KATNAL1: variants seen among roughly 807,000 people sequenced by gnomAD.
The protein encoded by KATNAL1 is katanin p60 ATPase-containing subunit A-like 1.
KATNAL1 carries 32 observed loss-of-function variants against 55.2 expected under a neutral mutation model. That is an observed-to-expected ratio of 0.58 (90% CI 0.44 to 0.78). The LOEUF (loss-of-function observed/expected upper bound fraction) is 0.78, where lower values mean the gene tolerates loss of function less well. KATNAL1 is among the 30% of genes least tolerant of loss of function. The pLI is 0.00. For missense variants in KATNAL1, 466 were observed against 600.9 expected, an observed-to-expected ratio of 0.78 and a Z score of 2.35; for synonymous variants, 193 against 193.6, an observed-to-expected ratio of 1.00 and a Z score of 0.02.
At chr13:30,304,118 G>A (rs376456933) in intron 1 of KATNAL1, among the ~76,000 whole-genome samples, 78 of 152,302 alleles carry the variant, frequency 5.1e-4, no homozygotes, top group African/African-American at 1.8e-3. Context: ...TGATCATGCA[G>A]AAAATAAGTT....
Position 30,208,460 on chromosome 13 carries a change from A to G in KATNAL1, c.*80T>C. On this transcript the variant is annotated 3_prime_UTR_variant, in exon 11 of 11. Coordinates refer to ENST00000380615, the MANE Select transcript of KATNAL1 (RefSeq NM_032116.5). ...AAACCACTCCACTGAAAAAAATTCC[A>G]AACTTGTTTTTTAAAAATTGCAGGA... 1 of 1,311,216 alleles carries G rather than the reference A, an allele frequency of 7.6e-7. No individual in the cohort carries two copies. The highest frequency in any genetic ancestry group is 2.4e-4 in the Middle Eastern group (1 of 4,198). The allele number at this position is 1,311,216 out of a possible 1,614,324, so 81.2% of individuals were successfully genotyped here.
intron 6 of KATNAL1, among the ~76,000 whole-genome samples, chr13:30,231,893 C>A (rs1876139294): frequency 6.6e-6 from 1 of 152,096 alleles, no homozygotes; most frequent in Non-Finnish European, 1.5e-5. Flanking sequence ...GGGACAGAAC[C>A]TATCTTCCAC....
intron 7 of KATNAL1, 23 bp downstream of exon 7, chr13:30,231,291 A>G: frequency 6.3e-7 from 1 of 1,589,628 alleles, no homozygotes; most frequent in Non-Finnish European, 8.6e-7. Context: ...ACTACTTTGA[A>G]ATCTGAATAT....
intron 7 of KATNAL1, among the ~76,000 whole-genome samples, chr13:30,231,058 G>T (rs1438055290): frequency 6.6e-6 from 1 of 152,116 alleles, no homozygotes; most frequent in Non-Finnish European, 1.5e-5. Flanking sequence ...CCACATATAC[G>T]ACCAAAGTCT....
intron 1 of KATNAL1, among the ~76,000 whole-genome samples, chr13:30,304,795 T>A (rs1287887993): frequency 6.6e-6 from 1 of 152,162 alleles, no homozygotes; most frequent in Admixed American, 6.5e-5. Flanking sequence ...CTAATATCTT[T>A]ATATTTCACC....
At chr13:30,227,328 A>G in intron 9 of KATNAL1, 84 bp downstream of exon 9, 1 of 1,336,696 alleles carries the variant, frequency 7.5e-7, no homozygotes, top group Non-Finnish European at 1.0e-6. Context: ...TTCTTTAAGC[A>G]GAATGGCAAT....
intron 1 of KATNAL1, chr13:30,296,586 C>T (rs1465934808): frequency 9.6e-6 from 7 of 726,276 alleles, no homozygotes; most frequent in African/African-American, 5.2e-5. Flanking sequence ...GCCTGTGGGA[C>T]GCTCATTGGA....
intron 6 of KATNAL1, among the ~76,000 whole-genome samples, chr13:30,239,573 T>C (rs750045829): frequency 2.3e-4 from 35 of 152,192 alleles, no homozygotes; most frequent in Non-Finnish European, 3.8e-4. Flanking sequence ...AAAAAGATTC[T>C]TTAGAAATAT....
intron 5 of KATNAL1, 141 bp downstream of exon 5, chr13:30,240,818 C>T: frequency 1.2e-6 from 1 of 831,680 alleles, no homozygotes; most frequent in Non-Finnish European, 1.8e-6. Context: ...TTCGACAGAA[C>T]TGTCTCGTCA....
chr13:30,270,091 G>T (rs1191774835), intron 3 of KATNAL1, among the ~76,000 whole-genome samples: 2 of 116,114 alleles, frequency 1.7e-5, no homozygotes, highest in Middle Eastern at 6.5e-3. Context: ...TCAGCCCCCC[G>T]CCCGGCCAGC....
chr13:30,233,629 G>A (rs1435241847), intron 6 of KATNAL1, among the ~76,000 whole-genome samples: 1 of 150,446 alleles, frequency 6.6e-6, no homozygotes, highest in Non-Finnish European at 1.5e-5. Context: ...ATATGTCGAA[G>A]AATTATTTGC....
In KATNAL1 at chr13:30,295,933, T is replaced by C. The variant is rs191987029; in HGVS notation, c.-15+11398A>G. On this transcript the variant is annotated intron_variant, in intron 1 of 10. Coordinates refer to ENST00000380615, the MANE Select transcript of KATNAL1 (RefSeq NM_032116.5). ...TAAGAATTGCCCTGGGCCAGGCACA[T>C]TGGGTCATGCCAGTAATCCCAACAC... Among the ~76,000 whole-genome samples the C allele has an allele frequency of 7.9e-5, 12 of 151,066 alleles. No individual in the cohort carries two copies. In the South Asian group the frequency reaches 1.7e-3, roughly 21 times the overall value.
At chr13:30,288,484 A>G (rs1050578882) in intron 1 of KATNAL1, among the ~76,000 whole-genome samples, 1 of 152,250 alleles carries the variant, frequency 6.6e-6, no homozygotes, top group African/African-American at 2.4e-5. Flanking sequence ...GCTTTAACTT[A>G]TAACAGCATG....
At chr13:30,255,053 T>C (rs1380850475) in intron 4 of KATNAL1, among the ~76,000 whole-genome samples, 1 of 152,202 alleles carries the variant, frequency 6.6e-6, no homozygotes, top group African/African-American at 2.4e-5. Context: ...TTTTTGGCAG[T>C]AGTAAATCAT....
chr13:30,277,981 T>G (rs1880979807), intron 3 of KATNAL1, among the ~76,000 whole-genome samples: 1 of 19,526 alleles, frequency 5.1e-5, no homozygotes, highest in Non-Finnish European at 9.2e-5. Context: ...AGACTCCGTC[T>G]CAAAAAAAAA....
In KATNAL1 at chr13:30,208,677, C is replaced by T. The variant is rs1287330008; in HGVS notation, c.1336G>A (p.Ala446Thr). The change falls in exon 11 of 11, where the codon GCA becomes ACA. Residue 446 changes from alanine to threonine, a missense_variant. Ala to Thr is a moderately conservative substitution (Grantham distance 58, BLOSUM62 0). Around this residue, in one of 3 missense-constraint regions of KATNAL1, gnomAD observed 213 missense variants for 308.6 expected, o/e 0.69. Transcript: ENST00000380615. ...INGLSPEEIR[A>T]LSKEELQMPV... The stretch of plus-strand genomic sequence containing the variant: ...ATCTGAAGTTCCTCTTTAGAAAGTG[C>T]ACGGATTTCTTCTGGACTTAAGCCA... 1.9e-6 allele frequency: 3 copies of T among 1,613,964 alleles called. No homozygotes were observed. Among genetic ancestry groups the T allele is most frequent in the Non-Finnish European group, 2.5e-6 (3 of 1,179,964 alleles).
At chr13:30,284,463 A>G (rs1447602543) in intron 1 of KATNAL1, among the ~76,000 whole-genome samples, 1 of 152,186 alleles carries the variant, frequency 6.6e-6, no homozygotes, top group Non-Finnish European at 1.5e-5. Flanking sequence ...TAAATATATG[A>G]ATATATTTTC....
At chr13:30,220,348 C>T (rs1237850693) in intron 9 of KATNAL1, among the ~76,000 whole-genome samples, 1 of 151,956 alleles carries the variant, frequency 6.6e-6, no homozygotes, top group East Asian at 1.9e-4. Flanking sequence ...GTAATCCTGG[C>T]TACTTGGGAG....
intron 3 of KATNAL1, among the ~76,000 whole-genome samples, chr13:30,265,384 TTAAAAAA>T (rs1265278499): frequency 1.4e-5 from 2 of 144,240 alleles, no homozygotes; most frequent in Admixed American, 7.2e-5. Context: ...AATAATAAAT[TTAAAAAA>T]TAAAAAATAA....
Sources: allele counts gnomAD v4.1 joint callset (sites outside exome capture counted in the v4.1 genomes callset), GRCh38; gene constraint gnomAD v4.1.1; regional missense constraint gnomAD v4.1.1; transcripts MANE v1.5; gene names NCBI Gene and HGNC (gene_info 2026-07-23, HGNC 2026-07-21).